Variants in FAM91A1 observed in about 807,000 individuals in gnomAD.
FAM91A1 encodes the protein protein FAM91A1.
In FAM91A1, 41 loss-of-function variants were observed where a neutral mutation model predicts 113.5. That is an observed-to-expected ratio of 0.36 (90% CI 0.28 to 0.47). The LOEUF is 0.47. Among genes scored for constraint, FAM91A1 ranks in the 20% least tolerant of loss-of-function variants. The pLI is 1.00. For synonymous variants in FAM91A1, 307 were observed against 347.9 expected (o/e 0.88, Z 1.31); for missense variants, 696 against 1,001.2 (o/e 0.70, Z 4.11).
In FAM91A1 at chr8:123,798,187, C is replaced by T. The variant is rs557267509; in HGVS notation, c.1509C>T (p.Ser503=). The part of the protein sequence containing the change: ...VLNKNYTLLV[S]MAPLTNEIRP... ...ACAAAAATTACACGCTGCTTGTTTC[C>T]ATGGCTCCCCTCACCAATGAAATCC... Residue 503 remains serine, a synonymous_variant, in exon 16 of 24, where the codon TCC becomes TCT. Transcript: ENST00000334705. The T allele has an allele frequency of 1.4e-4, 225 of 1,614,082 alleles. 5 individuals are homozygous for T. The South Asian group carries it at 2.3e-3, about 17-fold the overall frequency.
intron 18 of FAM91A1, among the ~76,000 whole-genome samples, chr8:123,802,776 T>C (rs560924145): frequency 6.6e-6 from 1 of 152,362 alleles, no homozygotes; most frequent in East Asian, 1.9e-4. Flanking sequence ...ACTCAGATCT[T>C]GGTTCCATCA....
At chr8:123,785,886 C>T (rs749504088) in intron 11 of FAM91A1, 145 bp downstream of exon 11, 13 of 519,462 alleles carry the variant, frequency 2.5e-5, no homozygotes, top group African/African-American at 1.8e-4. Context: ...GGCGCGATCT[C>T]GGCTCACTGC....
chr8:123,797,176 A>G (rs1815545632), intron 15 of FAM91A1, among the ~76,000 whole-genome samples: 1 of 152,210 alleles, frequency 6.6e-6, no homozygotes, highest in African/African-American at 2.4e-5. Context: ...AGGAAGACAT[A>G]GAAAAAGCAG....
intron 3 of FAM91A1, among the ~76,000 whole-genome samples, chr8:123,776,365 A>C (rs568304340): frequency 6.6e-6 from 1 of 152,228 alleles, no homozygotes; most frequent in Non-Finnish European, 1.5e-5. Flanking sequence ...TTAGCCCTAC[A>C]TACGATGTGT....
rs1815739547 is a variant in FAM91A1 at position 123,803,652 on chromosome 8, G to GA, written c.1810-1610dup. The stretch of plus-strand genomic sequence containing the variant: ...GTTAAGGAGTTTTGCTTTTGCTAAA[G>GA]AAAAATGCCTTTTTAATTAAATTTG... On this transcript the variant is annotated intron_variant, in intron 18 of 23. Transcript: ENST00000334705. Among the ~76,000 whole-genome samples the GA allele has an allele frequency of 3.3e-5, 5 of 152,228 alleles. No homozygotes were observed. The South Asian group carries it at 1.0e-3, about 32-fold the overall frequency.
At chr8:123,777,923 G>T in intron 4 of FAM91A1, 102 bp from the exon 5 acceptor site, 2 of 935,008 alleles carry the variant, frequency 2.1e-6, no homozygotes, top group Non-Finnish European at 3.3e-6. Context: ...ACTAGTAATT[G>T]AAAGATGAAA....
At chr8:123,806,323 G>A (rs1368884439) in intron 20 of FAM91A1, 94 bp downstream of exon 20, 2 of 1,313,336 alleles carry the variant, frequency 1.5e-6, no homozygotes, top group Admixed American at 2.4e-5. Flanking sequence ...TTGTGGGGAT[G>A]CTGAATTATT....
In FAM91A1 at chr8:123,799,577, C is replaced by T. The variant is rs1169090888; in HGVS notation, c.1618C>T (p.His540Tyr). The T allele has an allele frequency of 6.2e-7, 1 of 1,613,962 alleles. No individual in the cohort carries two copies. The highest frequency in any genetic ancestry group is 8.5e-7 in the Non-Finnish European group (1 of 1,179,994). ...SSVWFKLYIYHVTGQGPPSLL... is the reference protein window; with the variant it reads ...SSVWFKLYIYYVTGQGPPSLL... The stretch of plus-strand genomic sequence containing the variant: ...TGTCTGGTTTAAACTGTACATTTAT[C>T]ATGTCACTGGACAAGGACCACCATC... The change falls in exon 17 of 24, where the codon CAT becomes TAT. Residue 540 changes from histidine to tyrosine, a missense_variant. His to Tyr is a moderately conservative substitution (Grantham distance 83). Coordinates refer to ENST00000334705, the MANE Select transcript of FAM91A1 (RefSeq NM_144963.4).
intron 9 of FAM91A1, 107 bp from the exon 10 acceptor site, chr8:123,784,974 T>C (rs1815216925): frequency 1.4e-6 from 1 of 738,360 alleles, no homozygotes; most frequent in African/African-American, 1.8e-5. Flanking sequence ...CTTCTAATTA[T>C]TCATAACTTA....
At chr8:123,771,882 A>G (rs1477648974) in intron 1 of FAM91A1, among the ~76,000 whole-genome samples, 1 of 152,100 alleles carries the variant, frequency 6.6e-6, no homozygotes, top group African/African-American at 2.4e-5. Context: ...ATTTGATCTG[A>G]TGTAGTTCCT....
Position 123,806,155 on chromosome 8 carries a change from G to C in FAM91A1, c.1958G>C (p.Cys653Ser), listed in dbSNP as rs1335249397. The change falls in exon 20 of 24, where the codon TGT becomes TCT. Residue 653 changes from cysteine (C) to serine (S), a missense_variant. Physicochemically the swap from Cys to Ser is moderately radical, Grantham distance 112. Coordinates refer to ENST00000334705, the MANE Select transcript of FAM91A1 (RefSeq NM_144963.4). ...AACAGAGTGGACTTACAGCATCTCT[G>C]TGGATATGTCACCATGTTGAATGCT... ...LRNRVDLQHL[C>S]GYVTMLNASS... The C allele has an allele frequency of 6.2e-7, 1 of 1,613,466 alleles. No individual in the cohort carries two copies. Among genetic ancestry groups the C allele is most frequent in the Non-Finnish European group, 8.5e-7 (1 of 1,179,650 alleles).
chr8:123,787,286 G>C lies in FAM91A1; in HGVS notation c.1104G>C (p.Leu368=). Residue 368 remains leucine, a synonymous_variant, in exon 13 of 24, where the codon CTG becomes CTC. Transcript: ENST00000334705. ...CTGACACAGCCAGTGTAAGCAGCCT[G>C]AGTCTGTCTACAGGACACACGAAGC... ...DPADTASVSS[L]SLSTGHTKRI... is the part of the protein sequence containing the mutation. 1 of 1,611,246 alleles carries C rather than the reference G, an allele frequency of 6.2e-7. No individual in the cohort carries two copies. The highest frequency in any genetic ancestry group is 8.5e-7 in the Non-Finnish European group (1 of 1,179,374).
At chr8:123,774,207 C>A in intron 2 of FAM91A1, 43 bp downstream of exon 2, 1 of 1,391,938 alleles carries the variant, frequency 7.2e-7, no homozygotes, top group Non-Finnish European at 1.0e-6. Context: ...CTGACCACTA[C>A]TCTTTCACAT....
intron 15 of FAM91A1, among the ~76,000 whole-genome samples, chr8:123,797,300 G>A (rs982980178): frequency 1.3e-5 from 2 of 152,218 alleles, no homozygotes; most frequent in East Asian, 1.9e-4. Context: ...AGCAGATGGC[G>A]GAAGAAGGAT....
chr8:123,788,248 G>A lies in FAM91A1; in HGVS notation c.1278+498G>A, dbSNP rs139665185. 1.9e-4 allele frequency: 184 copies of A among 984,798 alleles called. 1 individual carries two copies. The East Asian group carries it at 0.01, about 54-fold the overall frequency. The allele number at this position is 984,798 out of a possible 1,614,324, so 61.0% of individuals were successfully genotyped here. Reference sequence around the variant, plus strand: ...TTTGCTCTTAACCACCTTTTTCCCCGTGAGTACAGCCCTAGTTTTCCTTAG... The same window carrying A: ...TTTGCTCTTAACCACCTTTTTCCCCATGAGTACAGCCCTAGTTTTCCTTAG... On this transcript the variant is annotated intron_variant, in intron 14 of 23. Transcript: ENST00000334705.
At chr8:123,787,147 T>C (rs757430017) in intron 12 of FAM91A1, 114 bp from the exon 13 acceptor site, 2 of 785,646 alleles carry the variant, frequency 2.5e-6, no homozygotes, top group Non-Finnish European at 4.1e-6. Context: ...AGTGCCTTTT[T>C]AAAATTATGT....
intron 1 of FAM91A1, among the ~76,000 whole-genome samples, chr8:123,769,039 G>T (rs755978685): frequency 6.6e-6 from 1 of 152,220 alleles, no homozygotes; most frequent in African/African-American, 2.4e-5. Flanking sequence ...GATACATTCA[G>T]CCAGGCACCT....
chr8:123,768,878 C>T lies in FAM91A1; in HGVS notation c.72+104C>T. Reference sequence around the variant, plus strand: ...CCGAGCGGGCTGCTGCCGGCTGACTCCCTTCCTTTACTCCTCCGTGGTCTT... The same window carrying T: ...CCGAGCGGGCTGCTGCCGGCTGACTTCCTTCCTTTACTCCTCCGTGGTCTT... On this transcript the variant is annotated intron_variant, in intron 1 of 23. Coordinates refer to ENST00000334705, the MANE Select transcript of FAM91A1 (RefSeq NM_144963.4). 2 of 1,179,992 alleles carry T rather than the reference C, an allele frequency of 1.7e-6. 1 individual carries two copies. Among genetic ancestry groups the T allele is most frequent in the Non-Finnish European group, 2.5e-6 (2 of 814,174 alleles). 73.1% of individuals were successfully genotyped at this position (1,179,992 alleles called of 1,614,324 possible).
chr8:123,777,886 G>A (rs981344429), intron 4 of FAM91A1, 139 bp from the exon 5 acceptor site: 14 of 648,392 alleles, frequency 2.2e-5, no homozygotes, highest in African/African-American at 9.5e-5. Flanking sequence ...GGTTGAAGAC[G>A]TCCTTTTAAT....
Sources: allele counts gnomAD v4.1 joint callset (sites outside exome capture counted in the v4.1 genomes callset), GRCh38; gene constraint gnomAD v4.1.1; transcripts MANE v1.5; gene names NCBI Gene and HGNC (gene_info 2026-07-23, HGNC 2026-07-21).